The following TPGS2 variants were observed in gnomAD, a reference collection of about 807,000 sequenced individuals.
The protein encoded by TPGS2 is polyglutamylase subunit 2.
Under a neutral mutation model 31.1 loss-of-function variants are expected in TPGS2, and 26 were observed. That is an observed-to-expected ratio of 0.84 (90% confidence interval 0.61 to 1.16). TPGS2 has a LOEUF of 1.16. Ranked by LOEUF, TPGS2 falls within the 50% of genes most tolerant of loss-of-function variation. The pLI, the probability that TPGS2 is intolerant of heterozygous loss-of-function variation, is 0.00. For missense variants in TPGS2, 351 were observed against 363.8 expected (o/e 0.96, Z 0.29); for synonymous variants, 130 against 136.6 (o/e 0.95, Z 0.34).
chr18:36,800,997 T>C (rs1245452322), intron 4 of TPGS2, among the ~76,000 whole-genome samples: 1 of 152,178 alleles, frequency 6.6e-6, no homozygotes, highest in Non-Finnish European at 1.5e-5. Flanking sequence ...GTCAGAACCA[T>C]GTAAAAGCCC....
At chr18:36,807,801 A>C (rs751701554) in intron 3 of TPGS2, 46 bp downstream of exon 3, 2 of 1,580,206 alleles carry the variant, frequency 1.3e-6, no homozygotes, top group South Asian at 1.1e-5. Flanking sequence ...TGTCCCATTC[A>C]ATCTCTCAGC....
At chr18:36,785,558 A>T (rs2044108222) in intron 6 of TPGS2, among the ~76,000 whole-genome samples, 1 of 152,196 alleles carries the variant, frequency 6.6e-6, no homozygotes, top group South Asian at 2.1e-4. Context: ...GGGAGGGCCA[A>T]GCCCATTTTA....
chr18:36,798,115 G>A (rs1013903034), intron 6 of TPGS2: 9 of 1,099,570 alleles, frequency 8.2e-6, no homozygotes, highest in Non-Finnish European at 1.0e-5. Flanking sequence ...TGGAGAACAG[G>A]GGAGTGAGAA....
chr18:36,783,070 C>T, exon 7 of TPGS2: 1 of 398,550 alleles, frequency 2.5e-6, no homozygotes, highest in East Asian at 3.6e-5. Flanking sequence ...GATTCCTGTT[C>T]TTCCTCTTGG....
At chr18:36,788,188 T>C (rs968074833) in intron 6 of TPGS2, among the ~76,000 whole-genome samples, 4 of 151,890 alleles carry the variant, frequency 2.6e-5, no homozygotes, top group African/African-American at 9.7e-5. Flanking sequence ...AAGATAGTTA[T>C]TAAGGCCACA....
chr18:36,827,169 T>C (rs1269515813), intron 1 of TPGS2, among the ~76,000 whole-genome samples: 1 of 152,114 alleles, frequency 6.6e-6, no homozygotes, highest in African/African-American at 2.4e-5. Context: ...TGCCCAGCTA[T>C]TAATTGATTT....
At chr18:36,782,168 G>C (rs1383671974), downstream of TPGS2, among the ~76,000 whole-genome samples, 2 of 152,188 alleles carry the variant, frequency 1.3e-5, no homozygotes, top group Non-Finnish European at 2.9e-5. Flanking sequence ...TTGGTATTCT[G>C]CTGAGTTGTT....
At chr18:36,800,732 T>C (rs1426232350) in intron 4 of TPGS2, among the ~76,000 whole-genome samples, 1 of 151,278 alleles carries the variant, frequency 6.6e-6, no homozygotes, top group African/African-American at 2.4e-5. Context: ...CTCTGTTGCC[T>C]AGGCTGGAGT....
chr18:36,793,701 G>C (rs2044393857), downstream of TPGS2, among the ~76,000 whole-genome samples: 1 of 151,726 alleles, frequency 6.6e-6, no homozygotes, highest in South Asian at 2.1e-4. Context: ...GTGTAATTTT[G>C]GTGATTCTGC....
At chr18:36,780,169 C>T (rs1039823019), downstream of TPGS2, 21 of 1,231,886 alleles carry the variant, frequency 1.7e-5, no homozygotes, top group Middle Eastern at 3.1e-4. Flanking sequence ...TCGCTTGGAA[C>T]GGCCTTCAGA....
chr18:36,808,180 G>T, intron 2 of TPGS2, among the ~76,000 whole-genome samples: 1 of 152,058 alleles, frequency 6.6e-6, no homozygotes, highest in Non-Finnish European at 1.5e-5. Flanking sequence ...TGCCTCAATG[G>T]GCAGCCACCT....
intron 3 of TPGS2, 121 bp from the exon 4 acceptor site, chr18:36,805,623 T>C (rs1463386153): frequency 1.1e-5 from 15 of 1,323,434 alleles, no homozygotes; most frequent in Non-Finnish European, 1.5e-5. Context: ...CTGACGAATC[T>C]GATGGAAGGT....
At position 36,788,444 on chromosome 18, in the gene TPGS2, T is replaced by A. The variant is rs551931270; in HGVS notation, c.658-5313A>T. Among the ~76,000 whole-genome samples, 41 of 152,296 alleles carry A rather than the reference T, an allele frequency of 2.7e-4. No homozygotes were observed. The South Asian group carries it at 8.5e-3, about 32-fold the overall frequency. On this transcript the variant is annotated intron_variant, in intron 6 of 6. Coordinates refer to the TPGS2 transcript ENST00000587129. ...GATGGCCTCGTTTTCAAAATAAAGT[T>A]GAAAAGTATAAAGCTGGGCGCTGGG...
intron 3 of TPGS2, among the ~76,000 whole-genome samples, chr18:36,806,850 TAAAAAAAA>T (rs397962723): frequency 1.9e-4 from 7 of 37,326 alleles, no homozygotes; most frequent in African/African-American, 4.5e-4. Flanking sequence ...GACTCCATCT[TAAAAAAAA>T]AAAAAAAAAA....
intron 6 of TPGS2, 149 bp downstream of exon 6, chr18:36,798,300 T>G: frequency 6.8e-7 from 1 of 1,476,392 alleles, no homozygotes; most frequent in African/African-American, 1.4e-5. Flanking sequence ...ATTGGAATCA[T>G]CTGTCTTGCT....
intron 2 of TPGS2, among the ~76,000 whole-genome samples, chr18:36,810,917 C>G (rs2045394626): frequency 6.6e-6 from 1 of 152,174 alleles, no homozygotes; most frequent in African/African-American, 2.4e-5. Context: ...CTCACCTTTT[C>G]TACTCCTGGA....
intron 2 of TPGS2, among the ~76,000 whole-genome samples, chr18:36,809,913 G>T (rs1212653844): frequency 6.6e-6 from 1 of 151,662 alleles, no homozygotes; most frequent in Non-Finnish European, 1.5e-5. Context: ...CATTTGTTAT[G>T]GTATTTATTT....
intron 2 of TPGS2, among the ~76,000 whole-genome samples, chr18:36,808,727 C>T (rs914069509): frequency 6.6e-6 from 1 of 152,040 alleles, no homozygotes; most frequent in Non-Finnish European, 1.5e-5. Context: ...ACCATATATA[C>T]TCAAATATTT....
chr18:36,822,357 C>A (rs1365031307), intron 1 of TPGS2, among the ~76,000 whole-genome samples: 3 of 152,174 alleles, frequency 2.0e-5, no homozygotes, highest in Non-Finnish European at 2.9e-5. Flanking sequence ...ATGTCTTTTC[C>A]CCCTGCTAAT....
Sources: allele counts gnomAD v4.1 joint callset (sites outside exome capture counted in the v4.1 genomes callset), GRCh38; gene constraint gnomAD v4.1.1; transcripts MANE v1.5; gene names NCBI Gene and HGNC (gene_info 2026-07-23, HGNC 2026-07-21).